The following FBN2 variants were observed in gnomAD, a reference collection of about 807,000 sequenced individuals.
The protein encoded by FBN2 is fibrillin 2, also known as fibrillin-2.
In FBN2, 105 loss-of-function variants were observed where a neutral mutation model predicts 355.6. The observed-to-expected ratio is 0.30, with a 90% confidence interval of 0.25 to 0.35. The LOEUF (loss-of-function observed/expected upper bound fraction) is 0.35. Ranked by LOEUF, FBN2 falls within the 10% of genes least tolerant of loss-of-function variation. The pLI, the probability that FBN2 is intolerant of heterozygous loss-of-function variation, is 1.00. For synonymous variants in FBN2, 1,350 were observed against 1,301.2 expected, an observed-to-expected ratio of 1.04 and a Z score of -0.81; for missense variants, 3,280 against 3,758.7, an observed-to-expected ratio of 0.87 and a Z score of 3.33.
chr5:128,483,904 C>T (rs576126849), intron 5 of FBN2, among the ~76,000 whole-genome samples: 5 of 152,144 alleles, frequency 3.3e-5, no homozygotes, highest in East Asian at 3.9e-4. Flanking sequence ...ACTACTTAAC[C>T]GCATATCAAT....
chr5:128,345,512 C>A lies in FBN2; in HGVS notation c.3062G>T (p.Arg1021Leu). Residue 1021 changes from arginine (R) to leucine (L), a missense_variant, in exon 24 of 65, where the codon CGC (arginine) becomes CTC (leucine). By Grantham distance (102) the Arg-to-Leu change is moderately radical. Around this residue, in one of 6 missense-constraint regions of FBN2, gnomAD observed 2,284 missense variants for 2,749.5 expected, o/e 0.83. Coordinates refer to ENST00000262464, the MANE Select transcript of FBN2 (RefSeq NM_001999.4). The part of the protein sequence containing the change: ...ECIHPVPGKF[R>L]MDACCCAVGA... ...GACAGCACAGCAGCAGGCATCCATGCGGAACTTTCCAGGAACGGGGTGGAT... is the reference window on the plus strand; with the variant it reads ...GACAGCACAGCAGCAGGCATCCATGAGGAACTTTCCAGGAACGGGGTGGAT... The A allele has an allele frequency of 3.1e-6, 5 of 1,614,190 alleles. No homozygotes were observed. Among genetic ancestry groups the A allele is most frequent in the South Asian group, 1.1e-5 (1 of 91,074 alleles).
chr5:128,393,493 T>C (rs778952730), intron 9 of FBN2, 125 bp from the exon 10 acceptor site: 14 of 749,578 alleles, frequency 1.9e-5, no homozygotes, highest in Non-Finnish European at 3.2e-5. Flanking sequence ...AGTAGGTTAC[T>C]ATCTCAATAC....
intron 7 of FBN2, among the ~76,000 whole-genome samples, chr5:128,438,413 A>G (rs1394444080): frequency 6.6e-6 from 1 of 152,264 alleles, no homozygotes; most frequent in Non-Finnish European, 1.5e-5. Context: ...GTCACTAAAT[A>G]TATTTTAATG....
At chr5:128,325,200 G>C (rs1028593940) in intron 34 of FBN2, among the ~76,000 whole-genome samples, 1 of 152,174 alleles carries the variant, frequency 6.6e-6, no homozygotes, top group African/African-American at 2.4e-5. Context: ...AATATTGACA[G>C]TGGGGTGTTA....
intron 7 of FBN2, among the ~76,000 whole-genome samples, chr5:128,436,126 C>T (rs1753762569): frequency 6.6e-6 from 1 of 152,272 alleles, no homozygotes; most frequent in East Asian, 1.9e-4. Flanking sequence ...TAGTGCACGC[C>T]ATTTGTGGGA....
At chr5:128,301,048 C>T (rs1470583466) in intron 47 of FBN2, 112 bp from the exon 48 acceptor site, 1 of 959,090 alleles carries the variant, frequency 1.0e-6, no homozygotes, top group African/African-American at 1.6e-5. Flanking sequence ...CTCTGATCTA[C>T]TGGGTCACCA....
intron 5 of FBN2, among the ~76,000 whole-genome samples, chr5:128,512,721 T>C (rs1756164400): frequency 6.6e-6 from 1 of 152,122 alleles, no homozygotes; most frequent in African/African-American, 2.4e-5. Flanking sequence ...CATCAAGCCT[T>C]ATTTGTATGA....
Position 128,263,667 on chromosome 5 carries a change from GAAGA to G in FBN2, c.7961-15_7961-12del. 2 of 1,601,458 alleles carry G rather than the reference GAAGA, an allele frequency of 1.2e-6. No homozygotes were observed. The highest frequency in any genetic ancestry group is 1.7e-6 in the Non-Finnish European group (2 of 1,169,526). On this transcript the variant is annotated splice_polypyrimidine_tract_variant and intron_variant, in intron 62 of 64. Transcript: ENST00000262464. ...AGCATTCATTCTCATCTAGTGAAAC[GAAGA>G]AAGAAACTCTTACACGGGGAAGCAG...
intron 50 of FBN2, 37 bp from the exon 51 acceptor site, chr5:128,289,984 C>T (rs1561750878): frequency 1.6e-6 from 2 of 1,225,670 alleles, no homozygotes; most frequent in African/African-American, 3.0e-5. Context: ...TTATTGAAGA[C>T]TTGAAATTAT....
In FBN2 at chr5:128,259,388, G is replaced by C; in HGVS notation, c.*67C>G. On this transcript the variant is annotated 3_prime_UTR_variant, in exon 65 of 65. Coordinates refer to ENST00000262464, the MANE Select transcript of FBN2 (RefSeq NM_001999.4). Reference sequence around the variant, plus strand: ...TTTTTCCTCTTTAAAATTAGTCCTTGACTTTTCAAATGCTTCTGCAGACTG... The same window carrying C: ...TTTTTCCTCTTTAAAATTAGTCCTTCACTTTTCAAATGCTTCTGCAGACTG... 6.3e-7 allele frequency: 1 copy of C among 1,577,962 alleles called. No individual in the cohort carries two copies. Among genetic ancestry groups the C allele is most frequent in the African/African-American group, 1.3e-5 (1 of 74,186 alleles).
intron 6 of FBN2, among the ~76,000 whole-genome samples, chr5:128,453,034 G>T (rs971297204): frequency 6.6e-6 from 1 of 152,064 alleles, no homozygotes; most frequent in African/African-American, 2.4e-5. Context: ...TAAATAATAG[G>T]TCTATTTCTA....
chr5:128,358,581 A>G (rs1751561897), intron 19 of FBN2, among the ~76,000 whole-genome samples: 2 of 152,228 alleles, frequency 1.3e-5, no homozygotes, highest in African/African-American at 4.8e-5. Context: ...AGAAATATGA[A>G]TGTATTTTGC....
At chr5:128,260,478 G>A (rs1431846924) in intron 64 of FBN2, among the ~76,000 whole-genome samples, 1 of 152,200 alleles carries the variant, frequency 6.6e-6, no homozygotes, top group African/African-American at 2.4e-5. Context: ...ATATATCAAA[G>A]TAAGATAGGA....
chr5:128,523,416 G>A, intron 4 of FBN2, among the ~76,000 whole-genome samples: 1 of 151,878 alleles, frequency 6.6e-6, no homozygotes, highest in East Asian at 1.9e-4. Context: ...ATCTCACAAT[G>A]TTGGGCTGAA....
chr5:128,330,312 G>A (rs1750658857), intron 33 of FBN2, among the ~76,000 whole-genome samples: 2 of 152,204 alleles, frequency 1.3e-5, no homozygotes, highest in Non-Finnish European at 2.9e-5. Context: ...TGTTACAAAT[G>A]AGTAAGATAA....
intron 61 of FBN2, 113 bp from the exon 62 acceptor site, chr5:128,272,231 G>C: frequency 8.3e-7 from 1 of 1,201,780 alleles, no homozygotes; most frequent in Non-Finnish European, 1.2e-6. Flanking sequence ...AAACAAACAA[G>C]ACATGACACA....
intron 19 of FBN2, among the ~76,000 whole-genome samples, chr5:128,359,240 C>G (rs974703326): frequency 6.6e-6 from 1 of 151,952 alleles, no homozygotes; most frequent in Admixed American, 6.6e-5. Context: ...GATTGACAAA[C>G]AAAATTAGTG....
intron 8 of FBN2, among the ~76,000 whole-genome samples, chr5:128,401,717 C>T (rs1051976302): frequency 7.9e-5 from 12 of 152,064 alleles, no homozygotes; most frequent in Admixed American, 2.0e-4. Context: ...GGAGGTGGAG[C>T]TTGCAGTGAG....
intron 11 of FBN2, among the ~76,000 whole-genome samples, chr5:128,380,109 T>C (rs1311542237): frequency 6.6e-6 from 1 of 152,002 alleles, no homozygotes; most frequent in East Asian, 1.9e-4. Flanking sequence ...TTTCCATCCA[T>C]CCAAGGACCC....
Sources: gnomAD v4.1 joint callset for allele counts (sites outside exome capture counted in the v4.1 genomes callset) on GRCh38, gnomAD v4.1.1 for gene constraint, gnomAD v4.1.1 regional missense constraint, MANE v1.5 for transcripts, NCBI Gene and HGNC (gene_info 2026-07-23, HGNC 2026-07-21) for gene names.